SCEL: variants seen among roughly 807,000 people sequenced by gnomAD.
SCEL encodes sciellin.
In SCEL, 113 loss-of-function variants were observed where a neutral mutation model predicts 117.6. The ratio of observed to expected loss-of-function variants is 0.96; its 90% confidence interval spans 0.83 to 1.12. The LOEUF is 1.12. SCEL is among the 50% of genes most tolerant of loss of function. The pLI, the probability that SCEL is intolerant of heterozygous loss-of-function variation, is 0.00. For missense variants in SCEL, 785 were observed against 810.8 expected (o/e 0.97, Z 0.39); for synonymous variants, 270 against 256.2 (o/e 1.05, Z -0.51).
intron 13 of SCEL, among the ~76,000 whole-genome samples, chr13:77,597,955 G>T (rs1324953710): frequency 6.6e-6 from 1 of 150,638 alleles, no homozygotes; most frequent in African/African-American, 2.5e-5. Context: ...CATAGTTAAT[G>T]TTATATTGTT....
chr13:77,606,117 C>G (rs942727385), intron 19 of SCEL, among the ~76,000 whole-genome samples: 2 of 152,100 alleles, frequency 1.3e-5, no homozygotes, highest in Admixed American at 1.3e-4. Context: ...CATTCATGTG[C>G]ATGTCTACAT....
chr13:77,605,880 G>T (rs1327417880), intron 19 of SCEL, among the ~76,000 whole-genome samples: 1 of 151,980 alleles, frequency 6.6e-6, no homozygotes, highest in Admixed American at 6.6e-5. Flanking sequence ...CCAACTACTC[G>T]GGAGGCTGAG....
At chr13:77,545,443 C>T (rs1409030284) in intron 1 of SCEL, among the ~76,000 whole-genome samples, 3 of 152,048 alleles carry the variant, frequency 2.0e-5, no homozygotes, top group African/African-American at 7.2e-5. Context: ...CTAGTAATCC[C>T]TAATCCATTC....
At chr13:77,587,077 G>A (rs535292706) in intron 9 of SCEL, among the ~76,000 whole-genome samples, 12 of 151,578 alleles carry the variant, frequency 7.9e-5, no homozygotes, top group Middle Eastern at 3.2e-3. Context: ...CATTTTCTCC[G>A]CCTCTTTCTT....
chr13:77,617,292 C>T (rs2089126943), intron 24 of SCEL, among the ~76,000 whole-genome samples: 1 of 152,054 alleles, frequency 6.6e-6, no homozygotes, highest in African/African-American at 2.4e-5. Flanking sequence ...TTAAAATCAG[C>T]TGGTATCTTC....
chr13:77,545,290 A>G (rs936628825), intron 1 of SCEL, among the ~76,000 whole-genome samples: 2 of 152,244 alleles, frequency 1.3e-5, no homozygotes, highest in African/African-American at 4.8e-5. Flanking sequence ...AGCTGAACTG[A>G]GGCTACCAAA....
chr13:77,602,742 T>C lies in SCEL; in HGVS notation c.1037+29T>C. On this transcript the variant is annotated intron_variant, in intron 17 of 32. Coordinates refer to ENST00000349847, the MANE Select transcript of SCEL (RefSeq NM_144777.3). ...AGAACTGAACAGATGTCTCTAAATA[T>C]TGGTTATTTTCTCTCATATTAATTA... is the stretch of plus-strand genomic sequence containing the variant. 2.5e-6 allele frequency: 4 copies of C among 1,589,688 alleles called. No homozygotes were observed. The South Asian group carries it at 4.4e-5, about 18-fold the overall frequency.
rs551953711 is a variant in SCEL at position 77,556,419 on chromosome 13, A to G, written c.44-177A>G. On this transcript the variant is annotated intron_variant, in intron 2 of 32. Coordinates refer to ENST00000349847, the MANE Select transcript of SCEL (RefSeq NM_144777.3). Reference sequence around the variant, plus strand: ...GCAACTTTATGTGTTATCTTTGGTGATGGGGTGTGGGATCTGTTCTTTCTT... The same window carrying G: ...GCAACTTTATGTGTTATCTTTGGTGGTGGGGTGTGGGATCTGTTCTTTCTT... Among the ~76,000 whole-genome samples, 122 of 152,192 alleles carry G rather than the reference A, an allele frequency of 8.0e-4. 1 individual carries two copies. The highest frequency in any genetic ancestry group is 2.7e-3 in the African/African-American group (112 of 41,514).
At chr13:77,590,219 T>C (rs1594043653) in intron 10 of SCEL, among the ~76,000 whole-genome samples, 1 of 152,112 alleles carries the variant, frequency 6.6e-6, no homozygotes, top group Admixed American at 6.5e-5. Context: ...AGCAGGACCA[T>C]GTAGCAATAG....
At chr13:77,639,848 C>T (rs2090477217) in intron 30 of SCEL, among the ~76,000 whole-genome samples, 1 of 152,014 alleles carries the variant, frequency 6.6e-6, no homozygotes, top group South Asian at 2.1e-4. Context: ...TGCTAATATC[C>T]TGAAACTAGT....
At chr13:77,640,574 G>A (rs949769835) in intron 30 of SCEL, 102 bp from the exon 31 acceptor site, 19 of 451,900 alleles carry the variant, frequency 4.2e-5, no homozygotes, top group African/African-American at 6.1e-5. Context: ...CTAAAGTAAA[G>A]TATCATCAAA....
chr13:77,583,424 C>T (rs2086376359), intron 9 of SCEL, among the ~76,000 whole-genome samples: 1 of 152,202 alleles, frequency 6.6e-6, no homozygotes, highest in Non-Finnish European at 1.5e-5. Flanking sequence ...TTCTTTTGAA[C>T]ATGTGCCTTG....
intron 9 of SCEL, among the ~76,000 whole-genome samples, chr13:77,584,292 C>G (rs941107624): frequency 6.6e-6 from 1 of 152,194 alleles, no homozygotes; most frequent in Admixed American, 6.5e-5. Flanking sequence ...CGCCCCACCC[C>G]AGGGCTTGAG....
At position 77,610,449 on chromosome 13, in the gene SCEL, C is replaced by CA. The variant is rs11356008; in HGVS notation, c.1337+362dup. ...CCTGGGCAACAGAGCAAGACTCCGT[C>CA]AAAAAAAAAAAAAAAAAAAGATAAA... On this transcript the variant is annotated intron_variant, in intron 22 of 32. Transcript: ENST00000349847. Among the ~76,000 whole-genome samples, 38 of 112,502 alleles carry CA rather than the reference C, an allele frequency of 3.4e-4. 1 individual carries two copies. The highest frequency in any genetic ancestry group is 4.1e-4 in the Non-Finnish European group (22 of 54,222). 73.8% of individuals were successfully genotyped at this position (112,502 alleles called of 152,430 possible).
chr13:77,615,624 A>T lies in SCEL; in HGVS notation c.1451+1669A>T, dbSNP rs570719395. 3.3e-5 allele frequency among the ~76,000 whole-genome samples: 5 copies of T among 152,240 alleles called. No homozygotes were observed. The South Asian group carries it at 1.0e-3, about 32-fold the overall frequency. ...CTAAATAAATAAAAACAGTAACTTGAGAGAAAAAATGTTACATTTTCCTGG... is the reference window on the plus strand; with the variant it reads ...CTAAATAAATAAAAACAGTAACTTGTGAGAAAAAATGTTACATTTTCCTGG... On this transcript the variant is annotated intron_variant, in intron 24 of 32. Coordinates refer to ENST00000349847, the MANE Select transcript of SCEL (RefSeq NM_144777.3).
chr13:77,597,269 C>CA (rs914981753), intron 12 of SCEL, among the ~76,000 whole-genome samples: 17 of 151,908 alleles, frequency 1.1e-4, no homozygotes, highest in South Asian at 4.1e-4. Flanking sequence ...GGCTATAACT[C>CA]AAAGTATAGT....
intron 29 of SCEL, among the ~76,000 whole-genome samples, chr13:77,635,755 T>C (rs1034768538): frequency 2.0e-5 from 3 of 152,216 alleles, no homozygotes; most frequent in Non-Finnish European, 4.4e-5. Context: ...TTTAAAAGTA[T>C]ATACTGAATA....
At chr13:77,620,253 C>T (rs2089336674) in intron 27 of SCEL, among the ~76,000 whole-genome samples, 1 of 152,180 alleles carries the variant, frequency 6.6e-6, no homozygotes, top group Non-Finnish European at 1.5e-5. Flanking sequence ...AAAGTGACTT[C>T]ATTCAATTGG....
chr13:77,611,749 C>G (rs938589497), intron 22 of SCEL, among the ~76,000 whole-genome samples: 9 of 152,128 alleles, frequency 5.9e-5, no homozygotes, highest in Non-Finnish European at 1.0e-4. Flanking sequence ...CTCCTTTAAG[C>G]CTCAGCTTTT....
Sources: allele counts gnomAD v4.1 joint callset (sites outside exome capture counted in the v4.1 genomes callset), GRCh38; gene constraint gnomAD v4.1.1; transcripts MANE v1.5; gene names NCBI Gene and HGNC (gene_info 2026-07-23, HGNC 2026-07-21).